Variants in GPBP1 observed in about 807,000 individuals in gnomAD.
The protein encoded by GPBP1 is vasculin.
Under a neutral mutation model 56.5 loss-of-function variants are expected in GPBP1, and 13 were observed. That is an observed-to-expected ratio of 0.23 (90% confidence interval 0.15 to 0.37). GPBP1 has a LOEUF of 0.37. Among genes scored for constraint, GPBP1 ranks in the 10% least tolerant of loss-of-function variants. The pLI is 1.00. For synonymous variants in GPBP1, 204 were observed against 188.9 expected, an observed-to-expected ratio of 1.08 and a Z score of -0.66; for missense variants, 477 against 572.3, an observed-to-expected ratio of 0.83 and a Z score of 1.70.
At chr5:57,247,294 C>A in intron 8 of GPBP1, 79 bp downstream of exon 8, 1 of 1,123,726 alleles carries the variant, frequency 8.9e-7, no homozygotes, top group Non-Finnish European at 1.2e-6. Context: ...GGTAGAAATT[C>A]ATTAAATGAA....
intron 6 of GPBP1, among the ~76,000 whole-genome samples, chr5:57,239,028 A>G (rs1327741647): frequency 6.6e-6 from 1 of 152,240 alleles, no homozygotes; most frequent in Non-Finnish European, 1.5e-5. Flanking sequence ...GATTTTATTA[A>G]TAGGAACTTT....
At chr5:57,255,394 TAATC>T (rs1741612874) in intron 10 of GPBP1, among the ~76,000 whole-genome samples, 1 of 152,240 alleles carries the variant, frequency 6.6e-6, no homozygotes, top group Admixed American at 6.5e-5. Flanking sequence ...ATATTTAAAA[TAATC>T]AGCTACTGCC....
At chr5:57,187,470 T>C (rs577374830) in intron 2 of GPBP1, among the ~76,000 whole-genome samples, 2 of 152,288 alleles carry the variant, frequency 1.3e-5, no homozygotes, top group South Asian at 4.1e-4. Context: ...GTGCCTATGG[T>C]ATCGTTGGTG....
Position 57,252,476 on chromosome 5 carries a change from T to C in GPBP1, c.1160+1335T>C, listed in dbSNP as rs145973683. Among the ~76,000 whole-genome samples the C allele has an allele frequency of 3.1e-3, 478 of 152,156 alleles. 4 individuals are homozygous for C. Among genetic ancestry groups the C allele is most frequent in the African/African-American group, 0.011 (457 of 41,514 alleles). Reference sequence around the variant, plus strand: ...TGCGGTATTAGCTCACTGTAACCTCTGTCTCCCAGGGTCAAGTGATCCCCC... The same window carrying C: ...TGCGGTATTAGCTCACTGTAACCTCCGTCTCCCAGGGTCAAGTGATCCCCC... On this transcript the variant is annotated intron_variant, in intron 10 of 11. Coordinates refer to ENST00000506184, the MANE Select transcript of GPBP1 (RefSeq NM_022913.4).
chr5:57,200,517 G>A (rs890451230), intron 2 of GPBP1, among the ~76,000 whole-genome samples: 31 of 151,704 alleles, frequency 2.0e-4, no homozygotes, highest in Admixed American at 5.3e-4. Context: ...ACAGGCATGC[G>A]CCACCATGGC....
Position 57,240,062 on chromosome 5 carries a change from T to C in GPBP1, c.478+4030T>C, listed in dbSNP as rs116075088. Among the ~76,000 whole-genome samples, 84 of 152,090 alleles carry C rather than the reference T, an allele frequency of 5.5e-4. 1 individual carries two copies. Among genetic ancestry groups the C allele is most frequent in the African/African-American group, 1.8e-3 (76 of 41,510 alleles). On this transcript the variant is annotated intron_variant, in intron 6 of 11. Coordinates refer to ENST00000506184, the MANE Select transcript of GPBP1 (RefSeq NM_022913.4). ...TATCACTTGGGGCCAGGAGCTCTCA[T>C]AGGGAGACCCTTGTCTCTACAAAAA...
intron 2 of GPBP1, among the ~76,000 whole-genome samples, chr5:57,181,485 GT>G (rs1754046046): frequency 6.6e-6 from 1 of 151,950 alleles, no homozygotes; most frequent in Non-Finnish European, 1.5e-5. Context: ...TAAAAAAGGG[GT>G]GAGGGGGCAG....
In GPBP1 at chr5:57,195,061, T is replaced by C. The variant is rs572828444; in HGVS notation, c.-58+18661T>C. On this transcript the variant is annotated intron_variant, in intron 2 of 11. Transcript: ENST00000506184. Reference sequence around the variant, plus strand: ...TCATATGGCAGCTCTGATTTTAGGTTTTTAAGGATGGGTTTTTTTTTTGCA... The same window carrying C: ...TCATATGGCAGCTCTGATTTTAGGTCTTTAAGGATGGGTTTTTTTTTTGCA... 2.0e-5 allele frequency among the ~76,000 whole-genome samples: 3 copies of C among 152,194 alleles called. No individual in the cohort carries two copies. The East Asian group carries it at 5.8e-4, about 29-fold the overall frequency.
chr5:57,219,399 A>ACACC (rs1561348250), intron 3 of GPBP1, among the ~76,000 whole-genome samples: 1 of 59,550 alleles, frequency 1.7e-5, no homozygotes, highest in East Asian at 3.4e-3. Context: ...AAAAAAAAAA[A>ACACC]AAAACCAAAA....
At chr5:57,187,953 A>G (rs1483988631) in intron 2 of GPBP1, among the ~76,000 whole-genome samples, 1 of 151,948 alleles carries the variant, frequency 6.6e-6, no homozygotes, top group East Asian at 1.9e-4. Flanking sequence ...GACATTTAAA[A>G]TTATCGAGGC....
rs1313541138 is a variant in GPBP1, at chr5:57,236,899, C to T, written c.478+867C>T. On this transcript the variant is annotated intron_variant, in intron 6 of 11. Transcript: ENST00000506184. ...GCTTTTGACAGCATACTAGTCCTAACAGTAAAGGCATTATTTTAAACTTTG... is the reference window on the plus strand; with the variant it reads ...GCTTTTGACAGCATACTAGTCCTAATAGTAAAGGCATTATTTTAAACTTTG... 1.5e-5 allele frequency: 8 copies of T among 523,694 alleles called. No homozygotes were observed. In the East Asian group the frequency reaches 1.8e-4, roughly 12 times the overall value. The allele number at this position is 523,694 out of a possible 1,614,324, so 32.4% of individuals were successfully genotyped here. A position where few individuals can be genotyped will look rare whatever the true frequency, so the allele number is the denominator to read the frequency against.
intron 4 of GPBP1, 53 bp from the exon 5 acceptor site, chr5:57,231,045 T>C: frequency 6.3e-7 from 1 of 1,584,846 alleles, no homozygotes; most frequent in Non-Finnish European, 8.6e-7. Flanking sequence ...TGTGATTCAA[T>C]CTTTAAGCTT....
At chr5:57,253,848 T>C (rs1298158932) in intron 10 of GPBP1, among the ~76,000 whole-genome samples, 1 of 152,180 alleles carries the variant, frequency 6.6e-6, no homozygotes, top group Non-Finnish European at 1.5e-5. Flanking sequence ...TCTCAAAAAC[T>C]CCTGGACTCA....
At chr5:57,255,746 C>G (rs373304116) in intron 10 of GPBP1, among the ~76,000 whole-genome samples, 7 of 152,298 alleles carry the variant, frequency 4.6e-5, no homozygotes, top group African/African-American at 1.7e-4. Context: ...GAAAATGTTT[C>G]TTATAACCCC....
chr5:57,206,026 A>G (rs1755218430), intron 2 of GPBP1, among the ~76,000 whole-genome samples: 2 of 152,154 alleles, frequency 1.3e-5, no homozygotes, highest in South Asian at 2.1e-4. Flanking sequence ...TTGGCCTCCT[A>G]GAGTGCTGGG....
chr5:57,204,909 AATTT>A (rs1046328939), intron 2 of GPBP1, among the ~76,000 whole-genome samples: 2 of 152,180 alleles, frequency 1.3e-5, no homozygotes, highest in African/African-American at 2.4e-5. Flanking sequence ...TATGTTTTTT[AATTT>A]ATTCAAGAGA....
At chr5:57,181,204 A>T (rs942197244) in intron 2 of GPBP1, among the ~76,000 whole-genome samples, 1 of 152,108 alleles carries the variant, frequency 6.6e-6, no homozygotes, top group African/African-American at 2.4e-5. Context: ...GCATGGTGAC[A>T]TGCGCCTGTA....
rs1337660472 is a variant in GPBP1, at chr5:57,224,433, G to T, written c.64-6413G>T. Reference sequence around the variant, plus strand: ...AATTTTTGTATTTTTAGTAGAGACGGGGTTTCACCATATTGTTCAGGCTAG... The same window carrying T: ...AATTTTTGTATTTTTAGTAGAGACGTGGTTTCACCATATTGTTCAGGCTAG... On this transcript the variant is annotated intron_variant, in intron 3 of 11. Transcript: ENST00000506184. Among the ~76,000 whole-genome samples the T allele has an allele frequency of 1.3e-5, 2 of 151,884 alleles. 1 individual carries two copies. The highest frequency in any genetic ancestry group is 4.2e-4 in the South Asian group (2 of 4,802).
chr5:57,223,769 T>C (rs1474049296), intron 3 of GPBP1, among the ~76,000 whole-genome samples: 1 of 149,430 alleles, frequency 6.7e-6, no homozygotes, highest in African/African-American at 2.4e-5. Flanking sequence ...GTTATATATA[T>C]ATTTTAAAAT....
Sources: gnomAD v4.1 joint callset for allele counts (sites outside exome capture counted in the v4.1 genomes callset) on GRCh38, gnomAD v4.1.1 for gene constraint, MANE v1.5 for transcripts, NCBI Gene and HGNC (gene_info 2026-07-23, HGNC 2026-07-21) for gene names.